The following VAV2 variants were observed in gnomAD, a reference collection of about 807,000 sequenced individuals.
VAV2 encodes vav guanine nucleotide exchange factor 2.
In VAV2, 67 loss-of-function variants were observed where a neutral mutation model predicts 132.5. The ratio of observed to expected loss-of-function variants is 0.51; its 90% CI spans 0.42 to 0.62. The LOEUF (loss-of-function observed/expected upper bound fraction) is 0.62, where lower values mean the gene tolerates loss of function less well. Among genes scored for constraint, VAV2 ranks in the 20% least tolerant of loss-of-function variants. VAV2 has a pLI of 0.00. For synonymous variants in VAV2, 492 were observed against 443.5 expected, an observed-to-expected ratio of 1.11 and a Z score of -1.37; for missense variants, 938 against 1,153.6, an observed-to-expected ratio of 0.81 and a Z score of 2.71.
intron 1 of VAV2, among the ~76,000 whole-genome samples, chr9:133,980,547 C>T (rs377238408): frequency 6.6e-6 from 1 of 152,214 alleles, no homozygotes; most frequent in African/African-American, 2.4e-5. Context: ...CCCAGCTGCC[C>T]GACCAGCCAT....
At position 133,824,782 on chromosome 9, in the gene VAV2, G is replaced by A. The variant is rs1240892356; in HGVS notation, c.449+9490C>T. On this transcript the variant is annotated intron_variant, in intron 4 of 29. Coordinates refer to ENST00000371850, the MANE Select transcript of VAV2 (RefSeq NM_001134398.2). This position sits in a 1 kb window ranked among gnomAD's most constrained non-coding sequence, Gnocchi z 5.2. ...AATGACCCTTGGAGAGACAGAGCTG[G>A]GCTCAAATTGCAGCTCTGCCCCCTA... Among the ~76,000 whole-genome samples, 1 of 152,120 alleles carries A rather than the reference G, an allele frequency of 6.6e-6. No individual in the cohort carries two copies. The highest frequency in any genetic ancestry group is 2.4e-5 in the African/African-American group (1 of 41,420).
intron 4 of VAV2, among the ~76,000 whole-genome samples, chr9:133,820,649 G>A (rs1835752074): frequency 6.6e-6 from 1 of 152,114 alleles, no homozygotes; most frequent in South Asian, 2.1e-4. Context: ...TCTTGCACAG[G>A]GAGGTGACAC....
intron 2 of VAV2, among the ~76,000 whole-genome samples, chr9:133,913,599 C>T (rs909139725): frequency 2.0e-5 from 3 of 152,188 alleles, no homozygotes; most frequent in African/African-American, 2.4e-5. Context: ...GGCGGGGGAC[C>T]GGACGCGCAC....
At chr9:133,821,700 G>A (rs184122144) in intron 4 of VAV2, among the ~76,000 whole-genome samples, 30 of 152,358 alleles carry the variant, frequency 2.0e-4, no homozygotes, top group African/African-American at 6.7e-4. Context: ...TGCTGCGTTA[G>A]TTCCTGCTCA....
chr9:133,877,162 C>T (rs1274343876), intron 2 of VAV2, among the ~76,000 whole-genome samples: 1 of 152,206 alleles, frequency 6.6e-6, no homozygotes, highest in Non-Finnish European at 1.5e-5. Context: ...CCCCCTTCTG[C>T]CACCTTCCTC....
chr9:133,780,006 A>G (rs1038776932), intron 20 of VAV2, 67 bp from the exon 21 acceptor site: 4 of 1,600,908 alleles, frequency 2.5e-6, no homozygotes, highest in African/African-American at 2.7e-5. Flanking sequence ...CCATGCATCA[A>G]CGCACCCCGC....
intron 2 of VAV2, among the ~76,000 whole-genome samples, chr9:133,896,280 C>G (rs879695860): frequency 6.6e-6 from 1 of 152,098 alleles, no homozygotes; most frequent in Non-Finnish European, 1.5e-5. Context: ...ACAATGAAAC[C>G]CCGCCTCTAC....
At chr9:133,814,303 C>T (rs997243065) in intron 4 of VAV2, among the ~76,000 whole-genome samples, 1 of 152,362 alleles carries the variant, frequency 6.6e-6, no homozygotes, top group East Asian at 1.9e-4. Flanking sequence ...AGGACACAGC[C>T]CCCACCTCTC....
At chr9:133,825,372 T>G (rs1261307607) in intron 4 of VAV2, among the ~76,000 whole-genome samples, 1 of 152,026 alleles carries the variant, frequency 6.6e-6, no homozygotes, top group Non-Finnish European at 1.5e-5. Flanking sequence ...CATTCCGGCC[T>G]CCTTCAGACC....
chr9:133,960,620 T>C (rs1014257274), intron 1 of VAV2, among the ~76,000 whole-genome samples: 1 of 152,222 alleles, frequency 6.6e-6, no homozygotes, highest in African/African-American at 2.4e-5. Context: ...GTGCATTCTT[T>C]TCCTGTTCAC....
At chr9:133,869,838 G>A (rs1021137198) in intron 2 of VAV2, among the ~76,000 whole-genome samples, 2 of 152,124 alleles carry the variant, frequency 1.3e-5, no homozygotes, top group South Asian at 4.1e-4. Context: ...AAACACACAC[G>A]CACACGCAGC....
At position 133,888,771 on chromosome 9, in the gene VAV2, G is replaced by A. The variant is rs372333734; in HGVS notation, c.322-27339C>T. On this transcript the variant is annotated intron_variant, in intron 2 of 29. Transcript: ENST00000371850. ...CTGTTCCAAAGGGCGTCATCCCAGC[G>A]GCTGGCTGCAAGATACTTAACATTT... Among the ~76,000 whole-genome samples the A allele has an allele frequency of 2.4e-4, 37 of 152,288 alleles. 1 individual carries two copies. The highest frequency in any genetic ancestry group is 2.3e-3 in the South Asian group (11 of 4,826).
intron 29 of VAV2, among the ~76,000 whole-genome samples, chr9:133,766,761 T>TATATATATATATAG (rs1833449258): frequency 8.6e-6 from 1 of 116,426 alleles, no homozygotes; most frequent in East Asian, 2.3e-4. Context: ...TATAAATAAA[T>TATATATATATATAG]ATATATATAT....
intron 4 of VAV2, among the ~76,000 whole-genome samples, chr9:133,820,337 T>C (rs1291787142): frequency 1.3e-5 from 2 of 149,922 alleles, no homozygotes; most frequent in Admixed American, 1.3e-4. Flanking sequence ...TTCTTTTTTT[T>C]TTTTTTGAGA....
chr9:133,801,834 G>A (rs1469259759), intron 9 of VAV2, among the ~76,000 whole-genome samples: 1 of 152,222 alleles, frequency 6.6e-6, no homozygotes, highest in East Asian at 1.9e-4. Context: ...AGGAACACCC[G>A]GGGCCTCCAG....
intron 13 of VAV2, among the ~76,000 whole-genome samples, chr9:133,790,601 C>A (rs537189572): frequency 6.6e-6 from 1 of 152,254 alleles, no homozygotes. Flanking sequence ...CAGGAGCTCA[C>A]GGCAGCACGG....
At chr9:133,871,020 A>C (rs1260389146) in intron 2 of VAV2, among the ~76,000 whole-genome samples, 1 of 140,758 alleles carries the variant, frequency 7.1e-6, no homozygotes, top group Non-Finnish European at 1.5e-5. Context: ...GGGTGAACAG[A>C]TGGATGGATG....
intron 1 of VAV2, among the ~76,000 whole-genome samples, chr9:133,951,052 C>T (rs1326841777): frequency 6.6e-6 from 1 of 152,202 alleles, no homozygotes; most frequent in Non-Finnish European, 1.5e-5. Context: ...ACGATTCTCG[C>T]TATTATCCCT....
At chr9:133,777,212 C>T (rs993966495) in intron 23 of VAV2, among the ~76,000 whole-genome samples, 177 bp downstream of exon 23, 1 of 152,110 alleles carries the variant, frequency 6.6e-6, no homozygotes, top group Non-Finnish European at 1.5e-5. Context: ...GCGTGCTGCC[C>T]CACAGCCCCC....
Sources: gnomAD v4.1 joint callset for allele counts (sites outside exome capture counted in the v4.1 genomes callset) on GRCh38, gnomAD v4.1.1 for gene constraint, Gnocchi (gnomAD v3.1) non-coding constraint, MANE v1.5 for transcripts, NCBI Gene and HGNC (gene_info 2026-07-23, HGNC 2026-07-21) for gene names.